The following MTERF4 variants were observed in gnomAD, a reference collection of about 807,000 sequenced individuals.
MTERF4 encodes transcription termination factor 4, mitochondrial.
A neutral mutation model predicts 22.5 loss-of-function variants in MTERF4; 17 were observed. The ratio of observed to expected loss-of-function variants is 0.75; its 90% confidence interval spans 0.52 to 1.13. The LOEUF (loss-of-function observed/expected upper bound fraction) is 1.13, where lower values mean the gene tolerates loss of function less well. Among genes scored for constraint, MTERF4 ranks in the 50% most tolerant of loss-of-function variants. The pLI is 0.00. For missense variants in MTERF4, 420 were observed against 466.8 expected, an observed-to-expected ratio of 0.90 and a Z score of 0.92; for synonymous variants, 165 against 175.3, an observed-to-expected ratio of 0.94 and a Z score of 0.47.
intron 4 of MTERF4, among the ~76,000 whole-genome samples, chr2:241,081,946 C>A (rs2063348553): frequency 6.6e-6 from 1 of 152,202 alleles, no homozygotes; most frequent in South Asian, 2.1e-4. Context: ...CCTGAGCCCC[C>A]AGGGGCTGCG....
In MTERF4 at chr2:241,073,191, C is replaced by A; in HGVS notation, n.2971G>T. The A allele has an allele frequency of 9.1e-7, 1 of 1,103,792 alleles. No individual in the cohort carries two copies. The highest frequency in any genetic ancestry group is 1.3e-6 in the Non-Finnish European group (1 of 752,462). The allele number at this position is 1,103,792 out of a possible 1,614,324, so 68.4% of individuals were successfully genotyped here. ...CCGTGCTCCCTGAGATATAGAAGCA[C>A]TCAAAAGGGTGGCCCCAGGACCATC... is the stretch of plus-strand genomic sequence containing the variant. On this transcript the variant is annotated non_coding_transcript_exon_variant, in exon 5 of 5. Coordinates refer to the MTERF4 transcript ENST00000464344. This position sits in a 1 kb window ranked among gnomAD's most constrained non-coding sequence, Gnocchi z 6.6.
chr2:241,078,540 G>C (rs778157920), intron 4 of MTERF4, among the ~76,000 whole-genome samples: 3 of 151,848 alleles, frequency 2.0e-5, no homozygotes, highest in Non-Finnish European at 4.4e-5. Flanking sequence ...GCCAGACACA[G>C]AAGACTCTAT....
chr2:241,067,910 AC>A, downstream of MTERF4: 1 of 1,613,232 alleles, frequency 6.2e-7, no homozygotes, highest in Non-Finnish European at 8.5e-7. Context: ...GGACCAGGCC[AC>A]CGATGTGGAC....
At chr2:241,090,355 C>G (rs1380734070), downstream of MTERF4, 8 of 1,550,194 alleles carry the variant, frequency 5.2e-6, no homozygotes, top group East Asian at 2.0e-4. Flanking sequence ...CTGCCACCTC[C>G]TGTGACAATG....
chr2:241,061,264 A>G, the MTERF4 span, among the ~76,000 whole-genome samples: 1 of 152,230 alleles, frequency 6.6e-6, no homozygotes, highest in Non-Finnish European at 1.5e-5. Flanking sequence ...CAAACATAAA[A>G]AGAAATATTC....
the MTERF4 span, among the ~76,000 whole-genome samples, chr2:241,057,978 G>A: frequency 6.6e-6 from 1 of 152,068 alleles, no homozygotes; most frequent in African/African-American, 2.4e-5. Context: ...AATTATGATA[G>A]AAAAAATACA....
chr2:241,094,501 A>C (rs751680478), downstream of MTERF4: 12 of 443,642 alleles, frequency 2.7e-5, no homozygotes, highest in Non-Finnish European at 4.7e-5. The surrounding 1 kb of genome is among the most constrained non-coding windows in gnomAD (Gnocchi z 4.3). Flanking sequence ...CACACCTACC[A>C]GGGGTATTCC....
chr2:241,087,705 G>A, downstream of MTERF4: 9 of 1,360,940 alleles, frequency 6.6e-6, no homozygotes, highest in South Asian at 1.4e-4. Context: ...TGCTGGGGGG[G>A]GTCACTCTGG....
downstream of MTERF4, chr2:241,094,707 G>C: frequency 3.4e-6 from 1 of 294,012 alleles, no homozygotes; most frequent in Non-Finnish European, 6.7e-6. The surrounding 1 kb of genome is among the most constrained non-coding windows in gnomAD (Gnocchi z 4.3). Flanking sequence ...TCTCTTGTGG[G>C]ACCATCCTGT....
chr2:241,054,925 T>C, the MTERF4 span, among the ~76,000 whole-genome samples: 1 of 152,122 alleles, frequency 6.6e-6, no homozygotes. Context: ...GAGACCAGCC[T>C]GGCCAACATA....
chr2:241,053,109 A>G, the MTERF4 span: 1 of 1,570,280 alleles, frequency 6.4e-7, no homozygotes, highest in Non-Finnish European at 8.6e-7. Context: ...GGGAGGGGCC[A>G]GGAAGGCACA....
At chr2:241,047,300 C>T in the MTERF4 span, among the ~76,000 whole-genome samples, 2 of 152,098 alleles carry the variant, frequency 1.3e-5, no homozygotes, top group African/African-American at 4.8e-5. Context: ...GTCAATTCAT[C>T]CAGAAGACAT....
intron 1 of MTERF4, chr2:241,101,210 A>G (rs887961572): frequency 8.6e-6 from 4 of 466,842 alleles, no homozygotes; most frequent in Non-Finnish European, 1.8e-5. Flanking sequence ...TCCTACAACC[A>G]GGAGGTGCCA....
At chr2:241,070,494 G>A (rs368541976), downstream of MTERF4, among the ~76,000 whole-genome samples, 2 of 152,226 alleles carry the variant, frequency 1.3e-5, no homozygotes, top group Admixed American at 6.5e-5. Flanking sequence ...ACCTGAAAAC[G>A]GGTGCCGAGG....
chr2:241,051,807 G>A, the MTERF4 span: 1 of 1,562,408 alleles, frequency 6.4e-7, no homozygotes, highest in South Asian at 1.2e-5. This position sits in a 1 kb window ranked among gnomAD's most constrained non-coding sequence, Gnocchi z 4.7. Context: ...GAGGCGGGCG[G>A]CGAGTACCAC....
chr2:241,078,868 CTTTG>C (rs547004325), intron 4 of MTERF4, among the ~76,000 whole-genome samples: 48 of 152,132 alleles, frequency 3.2e-4, no homozygotes, highest in Admixed American at 2.2e-3. Context: ...AATCCCAGCA[CTTTG>C]GGAGGCTGAG....
downstream of MTERF4, among the ~76,000 whole-genome samples, chr2:241,070,513 G>A (rs564800600): frequency 2.6e-5 from 4 of 152,198 alleles, no homozygotes; most frequent in Admixed American, 2.6e-4. Context: ...GGGTGGCAGC[G>A]AGGAGGAAGC....
At chr2:241,062,481 AT>A in the MTERF4 span, among the ~76,000 whole-genome samples, 2 of 152,252 alleles carry the variant, frequency 1.3e-5, no homozygotes, top group African/African-American at 4.8e-5. Context: ...GACATGAGAC[AT>A]TTTCTGTCAA....
chr2:241,054,361 AG>A, the MTERF4 span, among the ~76,000 whole-genome samples: 1 of 152,248 alleles, frequency 6.6e-6, no homozygotes, highest in East Asian at 1.9e-4. Flanking sequence ...CTAACACAGG[AG>A]TTCAAGACCA....
Sources: allele counts gnomAD v4.1 joint callset (sites outside exome capture counted in the v4.1 genomes callset), GRCh38; gene constraint gnomAD v4.1.1; non-coding constraint Gnocchi (gnomAD v3.1); transcripts MANE v1.5; gene names NCBI Gene and HGNC (gene_info 2026-07-23, HGNC 2026-07-21).